The following NEGR1 variants were observed in gnomAD, a reference collection of about 807,000 sequenced individuals.
NEGR1 encodes IgLON family member 4.
A neutral mutation model predicts 40.9 loss-of-function variants in NEGR1; 10 were observed. The observed-to-expected ratio is 0.24, with a 90% CI of 0.15 to 0.42. The LOEUF is 0.42. Among genes scored for constraint, NEGR1 ranks in the 10% least tolerant of loss-of-function variants. The pLI, the probability that NEGR1 is intolerant of heterozygous loss-of-function variation, is 1.00. For synonymous variants in NEGR1, 185 were observed against 166.8 expected (o/e 1.11, Z -0.84); for missense variants, 352 against 438.9 (o/e 0.80, Z 1.77).
rs12239104 is a variant in NEGR1, at chr1:71,491,099, C to G, written c.941-83529G>C. Among the ~76,000 whole-genome samples, 2,072 of 151,974 alleles carry G rather than the reference C, an allele frequency of 0.014. 125 individuals carry two copies. The East Asian group carries it at 0.22, about 16-fold the overall frequency. ...GTTCTGAGTCTATAGAATTAACCAC[C>G]TACAGATCAAAAATATTTAAAAAAT... is the stretch of plus-strand genomic sequence containing the variant. On this transcript the variant is annotated intron_variant, in intron 6 of 6. Transcript: ENST00000357731.
At chr1:71,548,997 G>A (rs898867512) in intron 6 of NEGR1, among the ~76,000 whole-genome samples, 5 of 151,584 alleles carry the variant, frequency 3.3e-5, no homozygotes, top group African/African-American at 1.2e-4. Flanking sequence ...CCTGTACTGA[G>A]AACAGGAGAG....
intron 1 of NEGR1, among the ~76,000 whole-genome samples, chr1:72,209,902 T>C (rs1653536039): frequency 6.6e-6 from 1 of 151,902 alleles, no homozygotes; most frequent in Admixed American, 6.6e-5. Context: ...AATACAATAA[T>C]AACAACTATT....
At chr1:72,043,426 T>C (rs1646973233) in intron 1 of NEGR1, among the ~76,000 whole-genome samples, 2 of 151,666 alleles carry the variant, frequency 1.3e-5, no homozygotes, top group African/African-American at 4.8e-5. Flanking sequence ...AATATAAATA[T>C]AAATATTTGA....
At chr1:71,507,369 C>G (rs953669278) in intron 6 of NEGR1, among the ~76,000 whole-genome samples, 5 of 152,108 alleles carry the variant, frequency 3.3e-5, no homozygotes, top group Non-Finnish European at 7.4e-5. Context: ...AATAAATAAA[C>G]CTCTAATTAA....
At chr1:71,782,142 G>A (rs1383301160) in intron 2 of NEGR1, among the ~76,000 whole-genome samples, 1 of 152,016 alleles carries the variant, frequency 6.6e-6, no homozygotes, top group Non-Finnish European at 1.5e-5. Flanking sequence ...ACTATTAGGA[G>A]GTGGGGCCTT....
intron 6 of NEGR1, among the ~76,000 whole-genome samples, chr1:71,568,014 G>A (rs1240647535): frequency 6.6e-6 from 1 of 152,046 alleles, no homozygotes; most frequent in Non-Finnish European, 1.5e-5. Context: ...AAACCACCCA[G>A]TATATGGTAC....
chr1:71,792,985 T>C (rs1657170921), intron 2 of NEGR1, among the ~76,000 whole-genome samples: 1 of 151,564 alleles, frequency 6.6e-6, no homozygotes, highest in Non-Finnish European at 1.5e-5. Context: ...TATGCTTGAG[T>C]TTTAAGCAAT....
chr1:71,483,422 T>C (rs1646867143), intron 6 of NEGR1, among the ~76,000 whole-genome samples: 4 of 151,724 alleles, frequency 2.6e-5, no homozygotes, highest in African/African-American at 9.7e-5. Flanking sequence ...ATGGGGCCCA[T>C]TTAGGAAATA....
chr1:71,834,887 TCACACACACACACA>T (rs10524992), intron 2 of NEGR1, among the ~76,000 whole-genome samples: 1 of 146,238 alleles, frequency 6.8e-6, no homozygotes, highest in African/African-American at 2.5e-5. Flanking sequence ...TTTTAGGAGA[TCACACACACACACA>T]CACACACAGC....
intron 3 of NEGR1, among the ~76,000 whole-genome samples, chr1:71,758,741 T>C (rs987237876): frequency 2.0e-5 from 3 of 152,168 alleles, no homozygotes; most frequent in Non-Finnish European, 4.4e-5. Context: ...TGTGCTCTTC[T>C]CTATAATTGC....
intron 3 of NEGR1, among the ~76,000 whole-genome samples, chr1:71,723,282 T>C (rs1654570601): frequency 6.6e-6 from 1 of 152,090 alleles, no homozygotes; most frequent in African/African-American, 2.4e-5. Context: ...CCTAAAACCC[T>C]TGGAATTTCC....
chr1:72,204,278 A>G (rs895037794), intron 1 of NEGR1, among the ~76,000 whole-genome samples: 1 of 152,094 alleles, frequency 6.6e-6, no homozygotes, highest in African/African-American at 2.4e-5. Context: ...TAGATCTACT[A>G]AACTCCCTAA....
At chr1:71,702,231 T>A (rs1288730595) in intron 3 of NEGR1, among the ~76,000 whole-genome samples, 2 of 152,120 alleles carry the variant, frequency 1.3e-5, no homozygotes, top group African/African-American at 4.8e-5. Context: ...ATTCATTCAA[T>A]GGATATTACT....
intron 2 of NEGR1, among the ~76,000 whole-genome samples, chr1:71,928,289 T>C (rs1201870634): frequency 1.4e-5 from 2 of 140,130 alleles, no homozygotes; most frequent in East Asian, 2.1e-4. Flanking sequence ...TACACACATA[T>C]GTATATATGT....
In NEGR1 at chr1:72,188,684, C is replaced by T. The variant is rs182745815; in HGVS notation, c.176+93635G>A. The stretch of plus-strand genomic sequence containing the variant: ...AAAAATCTCAGGAGACAATTGTTAG[C>T]TGACATATTAAATGGAATCATCTCC... On this transcript the variant is annotated intron_variant, in intron 1 of 6. Transcript: ENST00000357731. 1.3e-4 allele frequency among the ~76,000 whole-genome samples: 20 copies of T among 151,460 alleles called. No individual in the cohort carries two copies. The East Asian group carries it at 3.9e-3, about 29-fold the overall frequency.
intron 1 of NEGR1, among the ~76,000 whole-genome samples, chr1:71,980,484 C>T (rs1291249826): frequency 2.6e-5 from 4 of 152,062 alleles, no homozygotes; most frequent in East Asian, 1.9e-4. Context: ...CTTCTACAGT[C>T]GGTTAAATAT....
intron 3 of NEGR1, among the ~76,000 whole-genome samples, chr1:71,775,949 C>T (rs576827495): frequency 2.2e-4 from 34 of 151,156 alleles, no homozygotes; most frequent in African/African-American, 7.8e-4. Context: ...GACCGGTTCG[C>T]GCCACTGAGC....
chr1:72,246,953 G>A (rs1654923825), intron 1 of NEGR1, among the ~76,000 whole-genome samples: 1 of 152,216 alleles, frequency 6.6e-6, no homozygotes, highest in South Asian at 2.1e-4. Flanking sequence ...AGCCGCCAAG[G>A]CTTATGTCTT....
chr1:72,256,368 A>C (rs1184807028), intron 1 of NEGR1, among the ~76,000 whole-genome samples: 1 of 152,220 alleles, frequency 6.6e-6, no homozygotes, highest in African/African-American at 2.4e-5. Context: ...ATTTATTGAA[A>C]ATTGTATCTA....
Sources: allele counts gnomAD v4.1 joint callset (sites outside exome capture counted in the v4.1 genomes callset), GRCh38; gene constraint gnomAD v4.1.1; transcripts MANE v1.5; gene names NCBI Gene and HGNC (gene_info 2026-07-23, HGNC 2026-07-21).